The following BMX variants were observed in gnomAD, a reference collection of about 807,000 sequenced individuals.
BMX encodes the protein cytoplasmic tyrosine-protein kinase BMX.
Under a neutral mutation model 59.2 loss-of-function variants are expected in BMX, and 31 were observed. The observed-to-expected ratio is 0.52, with a 90% CI of 0.39 to 0.71. The LOEUF is 0.71. Ranked by LOEUF, BMX falls within the 30% of genes least tolerant of loss-of-function variation. BMX has a pLI of 0.00. For synonymous variants in BMX, 185 were observed against 181.0 expected (o/e 1.02, Z -0.18); for missense variants, 474 against 491.7 (o/e 0.96, Z 0.34).
intron 7 of BMX, among the ~76,000 whole-genome samples, chrX:15,524,684 T>G (rs1330652555): frequency 8.9e-6 from 1 of 111,858 alleles, no homozygotes; most frequent in Non-Finnish European, 1.9e-5. Flanking sequence ...TTCTATGAAC[T>G]GTGGTTTTGA....
At chrX:15,518,582 A>T (rs1177411121) in intron 6 of BMX, among the ~76,000 whole-genome samples, 2 of 111,634 alleles carry the variant, frequency 1.8e-5, no homozygotes, top group Non-Finnish European at 3.8e-5. Flanking sequence ...GAATTGTTCC[A>T]TCCAATGTTA....
At chrX:15,529,293 A>G (rs182271159) in intron 9 of BMX, among the ~76,000 whole-genome samples, 1 of 111,662 alleles carries the variant, frequency 9.0e-6, no homozygotes, top group Admixed American at 9.5e-5. Flanking sequence ...TACCTTCTAC[A>G]TTGAATTTCT....
At chrX:15,538,045 C>T (rs1925457034) in intron 14 of BMX, among the ~76,000 whole-genome samples, 1 of 110,627 alleles carries the variant, frequency 9.0e-6, no homozygotes, top group African/African-American at 3.3e-5. Flanking sequence ...TCAATACAGT[C>T]TAATACTCTT....
rs763814069 is a variant in BMX at position 15,556,160 on chromosome X, G to A, written c.*13G>A. 21 of 1,191,086 alleles carry A rather than the reference G, an allele frequency of 1.8e-5. No individual in the cohort carries two copies. Among genetic ancestry groups the A allele is most frequent in the Non-Finnish European group, 2.4e-5 (21 of 882,673 alleles). On this transcript the variant is annotated 3_prime_UTR_variant, in exon 19 of 19. Transcript: ENST00000348343. Reference sequence around the variant, plus strand: ...AGACAAGCATTGAAGAAGAAATTAGGAGTGCTGATAAGAATGAATATAGAT... The same window carrying A: ...AGACAAGCATTGAAGAAGAAATTAGAAGTGCTGATAAGAATGAATATAGAT...
chrX:15,502,581 G>A (rs1160145803), intron 1 of BMX, among the ~76,000 whole-genome samples: 2 of 111,719 alleles, frequency 1.8e-5, no homozygotes, highest in African/African-American at 3.3e-5. Flanking sequence ...GCTCCAAGAT[G>A]CTGAGAATTT....
intron 5 of BMX, among the ~76,000 whole-genome samples, chrX:15,517,277 T>C (rs191925921): frequency 8.9e-6 from 1 of 112,304 alleles, no homozygotes; most frequent in East Asian, 2.8e-4. Context: ...TACAGATTGG[T>C]TGCACATGGG....
intron 12 of BMX, among the ~76,000 whole-genome samples, chrX:15,535,721 C>T (rs1452670077): frequency 9.7e-6 from 1 of 103,086 alleles, no homozygotes; most frequent in Non-Finnish European, 2.0e-5. Context: ...ATATAAAAAC[C>T]AGACAAATAT....
Position 15,542,046 on chromosome X carries a change from A to C in BMX, c.1459A>C (p.Ile487Leu). Residue 487 changes from isoleucine to leucine, a missense_variant, in exon 15 of 19, where the codon ATA becomes CTA. Coordinates refer to ENST00000348343, the MANE Select transcript of BMX (RefSeq NM_203281.3). Reference sequence around the variant, plus strand: ...GTGTTCAAAGGAATACCCCATATACATAGTGACTGAATATATAAGCAATGG... The same window carrying C: ...GTGTTCAAAGGAATACCCCATATACCTAGTGACTGAATATATAAGCAATGG... ...GVCSKEYPIYIVTEYISNGCL... is the reference protein window; with the variant it reads ...GVCSKEYPIYLVTEYISNGCL... The C allele has an allele frequency of 7.4e-6, 9 of 1,211,305 alleles. No individual in the cohort carries two copies. Among genetic ancestry groups the C allele is most frequent in the Non-Finnish European group, 1.0e-5 (9 of 895,263 alleles).
intron 18 of BMX, among the ~76,000 whole-genome samples, chrX:15,555,538 C>T (rs962390706): frequency 9.0e-6 from 1 of 111,071 alleles, no homozygotes; most frequent in Admixed American, 9.6e-5. Context: ...GTCAAGTCTA[C>T]ATTTGCATTT....
At chrX:15,524,763 T>G (rs1211343546) in intron 7 of BMX, among the ~76,000 whole-genome samples, 1 of 111,356 alleles carries the variant, frequency 9.0e-6, no homozygotes, top group East Asian at 2.8e-4. Flanking sequence ...CCTTTAGACT[T>G]TGAGAGGTAG....
Position 15,531,470 on chromosome X carries a change from A to G in BMX, c.1019+63A>G. On this transcript the variant is annotated intron_variant, in intron 11 of 18. Transcript: ENST00000348343. ...CGTATATTCTTTGAATATGCTGGTC[A>G]CAATCACATTTTGGGATAAGACATC... 3.2e-6 allele frequency: 3 copies of G among 935,164 alleles called. No individual in the cohort carries two copies. In the South Asian group the frequency reaches 6.5e-5, roughly 20 times the overall value. 77.1% of individuals were successfully genotyped at this position (935,164 alleles called of 1,213,427 possible). A position where few individuals can be genotyped will look rare whatever the true frequency, so the allele number is the denominator to read the frequency against.
At chrX:15,537,950 G>A (rs747133390) in intron 14 of BMX, among the ~76,000 whole-genome samples, 2 of 110,555 alleles carry the variant, frequency 1.8e-5, no homozygotes, top group South Asian at 8.1e-4. Flanking sequence ...GTGGGATGAA[G>A]AACAGAGTGG....
chrX:15,534,153 C>G (rs1925218286), intron 11 of BMX, 59 bp from the exon 12 acceptor site: 1 of 1,018,493 alleles, frequency 9.8e-7, no homozygotes. Flanking sequence ...TTATTTAACC[C>G]TTGCTTAATC....
intron 1 of BMX, among the ~76,000 whole-genome samples, chrX:15,506,755 T>C (rs1013323840): frequency 8.9e-6 from 1 of 112,307 alleles, no homozygotes; most frequent in Non-Finnish European, 1.9e-5. Context: ...CTTTGATCAC[T>C]GGGCAAAGAA....
chrX:15,504,883 C>T (rs964537750), intron 1 of BMX, among the ~76,000 whole-genome samples: 9 of 111,388 alleles, frequency 8.1e-5, no homozygotes, highest in African/African-American at 2.6e-4. Flanking sequence ...GAGAGTCCAC[C>T]CAGATCCCAC....
At chrX:15,544,371 C>T (rs2083899971) in intron 16 of BMX, among the ~76,000 whole-genome samples, 1 of 109,839 alleles carries the variant, frequency 9.1e-6, no homozygotes, top group African/African-American at 3.3e-5. Flanking sequence ...ACTGAGTCCC[C>T]TACACTGACC....
chrX:15,501,096 C>T (rs1177563094), intron 1 of BMX, among the ~76,000 whole-genome samples, 156 bp downstream of exon 1: 1 of 112,110 alleles, frequency 8.9e-6, no homozygotes, highest in Non-Finnish European at 1.9e-5. Flanking sequence ...AGGGCTTTCT[C>T]TGGGACTTTA....
chrX:15,531,377 A>G lies in BMX; in HGVS notation c.989A>G (p.Tyr330Cys), dbSNP rs1228626782. 1 of 1,208,493 alleles carries G rather than the reference A, an allele frequency of 8.3e-7. No individual in the cohort carries two copies. Among genetic ancestry groups the G allele is most frequent in the South Asian group, 1.8e-5 (1 of 56,665 alleles). Residue 330 changes from tyrosine (Y) to cysteine (C), a missense_variant, in exon 11 of 19, where the codon TAC (tyrosine) becomes TGC (cysteine). Coordinates refer to ENST00000348343, the MANE Select transcript of BMX (RefSeq NM_203281.3). ...AGAAATTCGAGCCAAGTGGGAATGT[A>G]CACAGTGTCCTTATTTAGTAAGGCT... Reference protein sequence around the residue: ...MVRNSSQVGMYTVSLFSKAVN... With the variant: ...MVRNSSQVGMCTVSLFSKAVN...
intron 9 of BMX, among the ~76,000 whole-genome samples, chrX:15,526,865 C>A (rs1046899863): frequency 9.0e-6 from 1 of 110,708 alleles, no homozygotes; most frequent in African/African-American, 3.3e-5. Context: ...GGATTACAGG[C>A]GTGAGCCACC....
Sources: gnomAD v4.1 joint callset for allele counts (sites outside exome capture counted in the v4.1 genomes callset) on GRCh38, gnomAD v4.1.1 for gene constraint, MANE v1.5 for transcripts, NCBI Gene and HGNC (gene_info 2026-07-23, HGNC 2026-07-21) for gene names.